Variants in LPCAT2 observed in about 807,000 individuals in gnomAD.
The protein encoded by LPCAT2 is 1-AGP acyltransferase 11.
In LPCAT2, 58 loss-of-function variants were observed where a neutral mutation model predicts 64.7. The observed-to-expected ratio is 0.90, with a 90% confidence interval of 0.73 to 1.12. The LOEUF is 1.12. Ranked by LOEUF, LPCAT2 falls within the 50% of genes most tolerant of loss-of-function variation. LPCAT2 has a pLI of 0.00. For synonymous variants in LPCAT2, 252 were observed against 245.3 expected, an observed-to-expected ratio of 1.03 and a Z score of -0.26; for missense variants, 579 against 669.8, an observed-to-expected ratio of 0.86 and a Z score of 1.50.
In LPCAT2 at chr16:55,517,204, A is replaced by G. The variant is rs141826411; in HGVS notation, c.171+7852A>G. Among the ~76,000 whole-genome samples the G allele has an allele frequency of 3.9e-5, 6 of 152,326 alleles. No homozygotes were observed. The East Asian group carries it at 1.2e-3, about 29-fold the overall frequency. On this transcript the variant is annotated intron_variant, in intron 1 of 13. Coordinates refer to ENST00000262134, the MANE Select transcript of LPCAT2 (RefSeq NM_017839.5). Reference sequence around the variant, plus strand: ...TCCAAAATAAAAAGGATTATAAGGAATTATATGAACAAATGCATGCTAACA... The same window carrying G: ...TCCAAAATAAAAAGGATTATAAGGAGTTATATGAACAAATGCATGCTAACA...
chr16:55,564,316 A>T (rs1203007495), intron 11 of LPCAT2, among the ~76,000 whole-genome samples: 4 of 151,954 alleles, frequency 2.6e-5, no homozygotes, highest in Non-Finnish European at 5.9e-5. Context: ...CAAAGTCCCA[A>T]TGTTTCTTTA....
At position 55,567,452 on chromosome 16, in the gene LPCAT2, C is replaced by G. The variant is rs1963717519; in HGVS notation, c.1216-7179C>G. 3.7e-6 allele frequency: 6 copies of G among 1,613,754 alleles called. No individual in the cohort carries two copies. The East Asian group carries it at 1.1e-4, about 30-fold the overall frequency. On this transcript the variant is annotated intron_variant, in intron 11 of 13. Coordinates refer to ENST00000262134, the MANE Select transcript of LPCAT2 (RefSeq NM_017839.5). ...AGTCTCTGGATAGAGATAGAGATGG[C>G]CTGATTCAAGTGTCTATCAAAGAAT... is the stretch of plus-strand genomic sequence containing the variant.
intron 13 of LPCAT2, among the ~76,000 whole-genome samples, chr16:55,580,720 G>T (rs1168987386): frequency 6.6e-6 from 1 of 152,182 alleles, no homozygotes; most frequent in East Asian, 1.9e-4. Flanking sequence ...GTGCCGATCT[G>T]TGGCCATTAG....
At chr16:55,567,681 C>T (rs944107637) in intron 11 of LPCAT2, 11 of 628,016 alleles carry the variant, frequency 1.8e-5, no homozygotes, top group East Asian at 5.7e-5. Flanking sequence ...AGATATTTCA[C>T]GAAAAATGTT....
At chr16:55,541,107 G>A (rs1963390514) in intron 8 of LPCAT2, 1 of 152,098 alleles carries the variant, frequency 6.6e-6, no homozygotes, top group Non-Finnish European at 1.5e-5. Context: ...CATGTAATGT[G>A]TTTGGACCAT....
At chr16:55,527,310 C>T (rs561977032) in intron 2 of LPCAT2, among the ~76,000 whole-genome samples, 3 of 151,646 alleles carry the variant, frequency 2.0e-5, no homozygotes, top group Admixed American at 6.6e-5. Context: ...ATGATGAAAC[C>T]CCATCTCTAC....
chr16:55,509,455 G>T, intron 1 of LPCAT2, 103 bp downstream of exon 1: 1 of 1,216,458 alleles, frequency 8.2e-7, no homozygotes, highest in Non-Finnish European at 1.1e-6. Context: ...GCGGCCGAGG[G>T]GGGCGTGGGT....
intron 12 of LPCAT2, among the ~76,000 whole-genome samples, chr16:55,575,078 CTCTGGAA>C (rs1168840072): frequency 1.3e-5 from 2 of 152,174 alleles, no homozygotes; most frequent in Non-Finnish European, 2.9e-5. Flanking sequence ...CTAATTCAGT[CTCTGGAA>C]AGTTCTGATC....
In LPCAT2 at chr16:55,525,623, C is replaced by A. The variant is rs1963159969; in HGVS notation, c.287C>A (p.Thr96Asn). The A allele has an allele frequency of 6.2e-7, 1 of 1,607,648 alleles. No homozygotes were observed. Among genetic ancestry groups the A allele is most frequent in the Non-Finnish European group, 8.5e-7 (1 of 1,176,940 alleles). Residue 96 changes from threonine (T) to asparagine (N), a missense_variant, in exon 2 of 14, where the codon ACC becomes AAC. Physicochemically the swap from Thr to Asn is moderately conservative, Grantham distance 65. Coordinates refer to ENST00000262134, the MANE Select transcript of LPCAT2 (RefSeq NM_017839.5). ...ACAGTATGCTGTCCTGAAAAGCTGA[C>A]CCACCCAATAACTGGTTGGAGGAGG... ...ISTVCCPEKL[T>N]HPITGWRRKI...
At position 55,586,128 on chromosome 16, in the gene LPCAT2, A is replaced by G. The variant is rs1224811732; in HGVS notation, c.*3030A>G. On this transcript the variant is annotated 3_prime_UTR_variant, in exon 14 of 14. Coordinates refer to ENST00000262134, the MANE Select transcript of LPCAT2 (RefSeq NM_017839.5). ...TTAAATTGTTATATCAGAGTGACAA[A>G]TAAGTGCTATGGCTTGATAGAAGTG... The G allele has an allele frequency of 2.4e-5, 3 of 123,596 alleles. No individual in the cohort carries two copies. Among genetic ancestry groups the G allele is most frequent in the African/African-American group, 1.0e-4 (3 of 29,028 alleles). 7.7% of individuals were successfully genotyped at this position (123,596 alleles called of 1,614,324 possible). A position where few individuals can be genotyped will look rare whatever the true frequency, so the allele number is the denominator to read the frequency against.
At chr16:55,517,960 G>C (rs1225274252) in intron 1 of LPCAT2, among the ~76,000 whole-genome samples, 1 of 152,120 alleles carries the variant, frequency 6.6e-6, no homozygotes, top group Non-Finnish European at 1.5e-5. Context: ...TAGCAAGGGC[G>C]CTTAGGCCAG....
chr16:55,564,834 G>A (rs998554907), intron 11 of LPCAT2, among the ~76,000 whole-genome samples: 1 of 151,896 alleles, frequency 6.6e-6, no homozygotes, highest in Non-Finnish European at 1.5e-5. Context: ...AAGAAAAATA[G>A]ATAAATATGA....
chr16:55,542,055 T>C, intron 8 of LPCAT2: 1 of 984,686 alleles, frequency 1.0e-6, no homozygotes, highest in South Asian at 1.8e-5. Context: ...CATCATTTTT[T>C]TAGTAGAAAG....
At chr16:55,541,672 G>A (rs1479061277) in intron 8 of LPCAT2, 12 of 291,246 alleles carry the variant, frequency 4.1e-5, no homozygotes, top group Non-Finnish European at 6.7e-6. Flanking sequence ...CTACCTACCT[G>A]TATGTACTTG....
In LPCAT2 at chr16:55,543,716, G is replaced by A. The variant is rs528100182; in HGVS notation, c.853-2019G>A. On this transcript the variant is annotated intron_variant, in intron 8 of 13. Transcript: ENST00000262134. Reference sequence around the variant, plus strand: ...AAAAAACAACTATGCAAAATAGAGAGCCACACACAGAATTCCAATGGGAAG... The same window carrying A: ...AAAAAACAACTATGCAAAATAGAGAACCACACACAGAATTCCAATGGGAAG... Among the ~76,000 whole-genome samples, 13 of 152,216 alleles carry A rather than the reference G, an allele frequency of 8.5e-5. No homozygotes were observed. In the East Asian group the frequency reaches 1.9e-3, roughly 23 times the overall value.
Position 55,583,361 on chromosome 16 carries a change from A to C in LPCAT2, c.*263A>C, listed in dbSNP as rs1467294870. 1 of 312,288 alleles carries C rather than the reference A, an allele frequency of 3.2e-6. No homozygotes were observed. Among genetic ancestry groups the C allele is most frequent in the African/African-American group, 2.1e-5 (1 of 47,780 alleles). 19.3% of individuals were successfully genotyped at this position (312,288 alleles called of 1,614,324 possible). A position where few individuals can be genotyped will look rare whatever the true frequency, so the allele number is the denominator to read the frequency against. On this transcript the variant is annotated 3_prime_UTR_variant, in exon 14 of 14. Transcript: ENST00000262134. ...ATACATATGTTTTTATGGATTTTCC[A>C]GTTTAATTTGCATATACAAATGAAT...
chr16:55,554,080 C>T (rs1294416492), intron 11 of LPCAT2, among the ~76,000 whole-genome samples: 3 of 151,992 alleles, frequency 2.0e-5, no homozygotes, highest in Admixed American at 2.0e-4. Context: ...CTTTGTTGTT[C>T]CATTTATAGA....
intron 1 of LPCAT2, among the ~76,000 whole-genome samples, chr16:55,524,903 C>T (rs1963147773): frequency 6.6e-6 from 1 of 152,006 alleles, no homozygotes; most frequent in Non-Finnish European, 1.5e-5. Context: ...TTACTACACG[C>T]CAAGTGCTTA....
rs570533394 is a variant in LPCAT2, at chr16:55,573,835, ATCTC to A, written c.1216-786_1216-783del. ...TTCAGTCCTCCCTACTTTCTACCTT[ATCTC>A]TCTCTCTCTTTCTTCCTTTTCTCCT... On this transcript the variant is annotated intron_variant, in intron 11 of 13. Coordinates refer to ENST00000262134, the MANE Select transcript of LPCAT2 (RefSeq NM_017839.5). Among the ~76,000 whole-genome samples the A allele has an allele frequency of 3.8e-3, 577 of 149,872 alleles. 3 individuals are homozygous for A. Among genetic ancestry groups the A allele is most frequent in the African/African-American group, 0.014 (556 of 40,714 alleles).
Sources: allele counts gnomAD v4.1 joint callset (sites outside exome capture counted in the v4.1 genomes callset), GRCh38; gene constraint gnomAD v4.1.1; transcripts MANE v1.5; gene names NCBI Gene and HGNC (gene_info 2026-07-23, HGNC 2026-07-21).